CSMD2: variants seen among roughly 807,000 people sequenced by gnomAD.
CSMD2 encodes the protein CUB and sushi domain-containing protein 2.
Under a neutral mutation model 398.5 loss-of-function variants are expected in CSMD2, and 130 were observed. The observed-to-expected ratio is 0.33, with a 90% confidence interval of 0.28 to 0.38. The LOEUF is 0.38. Among genes scored for constraint, CSMD2 ranks in the 10% least tolerant of loss-of-function variants. The pLI, the probability that CSMD2 is intolerant of heterozygous loss-of-function variation, is 1.00. For synonymous variants in CSMD2, 1,828 were observed against 1,908.5 expected, an observed-to-expected ratio of 0.96 and a Z score of 1.10; for missense variants, 3,829 against 4,764.9, an observed-to-expected ratio of 0.80 and a Z score of 5.78.
rs1370131379 is a variant in CSMD2, at chr1:34,163,969, C to G, written c.187+942G>C. ...GCGTACCTCCCCCGCGCGCTGCAAG[C>G]TGCAGCCAGACACCCGCGAAGTTCC... is the stretch of plus-strand genomic sequence containing the variant. On this transcript the variant is annotated intron_variant, in intron 1 of 70. Transcript: ENST00000373381. The surrounding 1 kb of genome is among the most constrained non-coding windows in gnomAD (Gnocchi z 5.4). 2.6e-5 allele frequency among the ~76,000 whole-genome samples: 4 copies of G among 152,120 alleles called. No individual in the cohort carries two copies. The highest frequency in any genetic ancestry group is 7.2e-5 in the African/African-American group (3 of 41,434).
Position 33,911,531 on chromosome 1 carries a change from C to T in CSMD2, c.920+6563G>A, listed in dbSNP as rs530949474. Among the ~76,000 whole-genome samples the T allele has an allele frequency of 1.9e-3, 282 of 152,074 alleles. 3 individuals carry two copies. Among genetic ancestry groups the T allele is most frequent in the African/African-American group, 6.3e-3 (263 of 41,468 alleles). ...TGCAGAGTAGACAGTTTTTGTATCG[C>T]CACCTACAAAAACAAAAGCAAATGA... On this transcript the variant is annotated intron_variant, in intron 5 of 70. Transcript: ENST00000373381.
intron 10 of CSMD2, among the ~76,000 whole-genome samples, chr1:33,797,733 T>C (rs1233260352): frequency 6.6e-6 from 1 of 152,196 alleles, no homozygotes; most frequent in South Asian, 2.1e-4. Flanking sequence ...GGTAGTGTCT[T>C]CTGCTGGAGG....
At chr1:34,102,919 A>T (rs984718286) in intron 1 of CSMD2, among the ~76,000 whole-genome samples, 14 of 152,220 alleles carry the variant, frequency 9.2e-5, no homozygotes, top group Middle Eastern at 3.4e-3. Flanking sequence ...TAATTTTCTG[A>T]TGCACCCTCC....
At position 34,081,864 on chromosome 1, in the gene CSMD2, G is replaced by A. The variant is rs184913690; in HGVS notation, c.404+7113C>T. ...GAGCGTCTCTAACTGGCTGCCCATC[G>A]TCTGGGATGTGAGGAGCCCCTCTGC... On this transcript the variant is annotated intron_variant, in intron 2 of 70. Coordinates refer to ENST00000373381, the MANE Select transcript of CSMD2 (RefSeq NM_001281956.2). Among the ~76,000 whole-genome samples, 156 of 150,706 alleles carry A rather than the reference G, an allele frequency of 1.0e-3. 2 individuals carry two copies. Among genetic ancestry groups the A allele is most frequent in the Admixed American group, 8.5e-3 (129 of 15,182 alleles).
chr1:33,522,843 C>T (rs185349235), intron 67 of CSMD2, among the ~76,000 whole-genome samples: 1 of 152,184 alleles, frequency 6.6e-6, no homozygotes, highest in South Asian at 2.1e-4. Flanking sequence ...GTCTTTTCCA[C>T]AAGGGAATGC....
chr1:33,767,446 G>A (rs1003490419), intron 13 of CSMD2, among the ~76,000 whole-genome samples: 4 of 152,128 alleles, frequency 2.6e-5, no homozygotes, highest in African/African-American at 4.8e-5. Flanking sequence ...CTCCAGATAC[G>A]TCTAGAGATA....
intron 1 of CSMD2, among the ~76,000 whole-genome samples, chr1:34,119,593 T>G (rs1471399927): frequency 6.6e-6 from 1 of 152,216 alleles, no homozygotes; most frequent in Non-Finnish European, 1.5e-5. Flanking sequence ...ATAATCTGAT[T>G]TTAAAATGAG....
chr1:34,147,034 G>A (rs534705548), intron 1 of CSMD2, among the ~76,000 whole-genome samples: 2 of 152,260 alleles, frequency 1.3e-5, no homozygotes, highest in East Asian at 3.9e-4. Context: ...GAGGCGGGCG[G>A]ATCATGAGAT....
At chr1:33,684,114 C>T (rs539002701) in intron 25 of CSMD2, among the ~76,000 whole-genome samples, 55 of 152,256 alleles carry the variant, frequency 3.6e-4, no homozygotes, top group South Asian at 1.9e-3. Flanking sequence ...TGATCTGAAA[C>T]GACAGCAAGG....
At chr1:33,619,378 G>A (rs1641610674) in intron 37 of CSMD2, among the ~76,000 whole-genome samples, 1 of 152,180 alleles carries the variant, frequency 6.6e-6, no homozygotes. Context: ...GGCAGCTAGG[G>A]GCTCATGGAA....
chr1:33,987,695 A>G lies in CSMD2; in HGVS notation c.517+44899T>C, dbSNP rs912473187. Among the ~76,000 whole-genome samples, 4 of 152,038 alleles carry G rather than the reference A, an allele frequency of 2.6e-5. No individual in the cohort carries two copies. In the South Asian group the frequency reaches 8.3e-4, roughly 32 times the overall value. ...CTTCAAGTGAAATTAAGTCCTAGACATTTCTACCAGGAGCACCTCACCCTT... is the reference window on the plus strand; with the variant it reads ...CTTCAAGTGAAATTAAGTCCTAGACGTTTCTACCAGGAGCACCTCACCCTT... On this transcript the variant is annotated intron_variant, in intron 3 of 70. Coordinates refer to ENST00000373381, the MANE Select transcript of CSMD2 (RefSeq NM_001281956.2).
intron 44 of CSMD2, among the ~76,000 whole-genome samples, chr1:33,592,968 T>C (rs1301326807): frequency 6.6e-6 from 1 of 151,102 alleles, no homozygotes; most frequent in Non-Finnish European, 1.5e-5. Context: ...AAAAAAATTA[T>C]CATGACATAT....
At chr1:33,644,006 T>C (rs899582499) in intron 29 of CSMD2, among the ~76,000 whole-genome samples, 1 of 152,156 alleles carries the variant, frequency 6.6e-6, no homozygotes, top group African/African-American at 2.4e-5. Flanking sequence ...CACATAGTTA[T>C]CTTTATCTTG....
chr1:34,023,957 G>A (rs886763547), intron 3 of CSMD2, among the ~76,000 whole-genome samples: 11 of 148,700 alleles, frequency 7.4e-5, no homozygotes, highest in Admixed American at 6.2e-4. Flanking sequence ...CACTTGTCAC[G>A]CACTGACTCT....
intron 1 of CSMD2, among the ~76,000 whole-genome samples, chr1:34,138,721 G>A (rs1638994025): frequency 6.6e-6 from 1 of 152,136 alleles, no homozygotes; most frequent in Admixed American, 6.5e-5. Context: ...GTGCCAAGTT[G>A]CTTTCCAGCA....
intron 3 of CSMD2, among the ~76,000 whole-genome samples, chr1:33,985,778 TG>T (rs1646339110): frequency 6.6e-6 from 1 of 152,154 alleles, no homozygotes; most frequent in Non-Finnish European, 1.5e-5. Context: ...TTAGTCCTGC[TG>T]GTACAAACCT....
chr1:33,698,863 C>T lies in CSMD2; in HGVS notation c.3815G>A (p.Ser1272Asn), dbSNP rs1216239892. 1 of 1,614,112 alleles carries T rather than the reference C, an allele frequency of 6.2e-7. No homozygotes were observed. Among genetic ancestry groups the T allele is most frequent in the Non-Finnish European group, 8.5e-7 (1 of 1,180,040 alleles). Residue 1272 changes from serine (S) to asparagine (N), a missense_variant, in exon 24 of 71, where the codon AGC (serine) becomes AAC (asparagine). Ser to Asn is a conservative substitution (Grantham distance 46, BLOSUM62 1). Coordinates refer to ENST00000373381, the MANE Select transcript of CSMD2 (RefSeq NM_001281956.2). ...AGGGTCACAGCTGAAGGACACGGAG[C>T]TCCCTGCAAAATGACCTTCATCATG... ...KVHDEGHFAG[S>N]SVSFSCDPGY...
At position 34,088,197 on chromosome 1, in the gene CSMD2, C is replaced by T. The variant is rs117700834; in HGVS notation, c.404+780G>A. 6.0e-3 allele frequency among the ~76,000 whole-genome samples: 910 copies of T among 152,350 alleles called. 9 individuals carry two copies. The highest frequency in any genetic ancestry group is 0.052 in the East Asian group (272 of 5,182). ...TGTCATTAGAAGCAATTAGCACCTC[C>T]GGCTCCCCAGGGCTTGGCTTGTAAG... On this transcript the variant is annotated intron_variant, in intron 2 of 70. Transcript: ENST00000373381.
chr1:33,752,765 G>C (rs551016594), intron 13 of CSMD2, among the ~76,000 whole-genome samples: 13 of 152,316 alleles, frequency 8.5e-5, no homozygotes, highest in Non-Finnish European at 1.6e-4. Context: ...CCAAAATGCT[G>C]ATAGAAATAG....
Sources: allele counts gnomAD v4.1 joint callset (sites outside exome capture counted in the v4.1 genomes callset), GRCh38; gene constraint gnomAD v4.1.1; non-coding constraint Gnocchi (gnomAD v3.1); transcripts MANE v1.5; gene names NCBI Gene and HGNC (gene_info 2026-07-23, HGNC 2026-07-21).